Variants in DHX9 observed in about 807,000 individuals in gnomAD.
The protein encoded by DHX9 is ATP-dependent RNA helicase A.
DHX9 carries 27 observed loss-of-function variants against 148.7 expected under a neutral mutation model. That is an observed-to-expected ratio of 0.18 (90% confidence interval 0.13 to 0.25). The LOEUF is 0.25. Ranked by LOEUF, DHX9 falls within the 10% of genes least tolerant of loss-of-function variation. The pLI, the probability that DHX9 is intolerant of heterozygous loss-of-function variation, is 1.00. For missense variants in DHX9, 796 were observed against 1,559.6 expected, an observed-to-expected ratio of 0.51 and a Z score of 8.25; for synonymous variants, 529 against 516.6, an observed-to-expected ratio of 1.02 and a Z score of -0.33.
intron 12 of DHX9, among the ~76,000 whole-genome samples, chr1:182,864,691 C>A (rs1005237567): frequency 6.6e-6 from 1 of 152,170 alleles, no homozygotes; most frequent in Non-Finnish European, 1.5e-5. Context: ...TCATTTATTT[C>A]TTTGCTGTTG....
chr1:182,844,652 G>A (rs1036370290), intron 3 of DHX9, among the ~76,000 whole-genome samples: 1 of 152,174 alleles, frequency 6.6e-6, no homozygotes, highest in African/African-American at 2.4e-5. Flanking sequence ...TCCTGCCTCA[G>A]TCTCCTAAGT....
intron 21 of DHX9, among the ~76,000 whole-genome samples, chr1:182,879,887 G>A (rs758725720): frequency 6.6e-6 from 1 of 151,878 alleles, no homozygotes; most frequent in African/African-American, 2.4e-5. Flanking sequence ...CACCACACCC[G>A]GCTAATTTTT....
intron 27 of DHX9, among the ~76,000 whole-genome samples, chr1:182,885,228 A>G (rs1029626945): frequency 6.6e-6 from 1 of 152,238 alleles, no homozygotes; most frequent in Admixed American, 6.5e-5. Flanking sequence ...TTAAACAACT[A>G]GAGCATGGAT....
chr1:182,871,303 A>G (rs1160111970), intron 14 of DHX9, among the ~76,000 whole-genome samples: 1 of 152,222 alleles, frequency 6.6e-6, no homozygotes, highest in Non-Finnish European at 1.5e-5. Flanking sequence ...TGGGACTAAT[A>G]GGAAAGTATA....
At chr1:182,874,042 C>G (rs961281386) in intron 15 of DHX9, among the ~76,000 whole-genome samples, 1 of 152,194 alleles carries the variant, frequency 6.6e-6, no homozygotes, top group Non-Finnish European at 1.5e-5. Context: ...TGTGTCTATA[C>G]TGATATGTAA....
At chr1:182,878,779 T>G (rs1648942811) in intron 20 of DHX9, among the ~76,000 whole-genome samples, 1 of 152,230 alleles carries the variant, frequency 6.6e-6, no homozygotes. Context: ...CCTTTAAGTG[T>G]CATGTCAGAA....
At chr1:182,863,606 A>G (rs753123817) in intron 12 of DHX9, among the ~76,000 whole-genome samples, 2 of 152,204 alleles carry the variant, frequency 1.3e-5, no homozygotes, top group Non-Finnish European at 2.9e-5. Context: ...ATTGAAGCAC[A>G]GAAGATCAAG....
rs1043786350 is a variant in DHX9 at position 182,839,405 on chromosome 1, A to C, written c.-74A>C. On this transcript the variant is annotated 5_prime_UTR_variant, in exon 1 of 28. Transcript: ENST00000367549. Reference sequence around the variant, plus strand: ...TGCGTTTCTCTGTTGTCTCGGTAGAAGGCCAGAGTCACACACGGTCCTAAG... The same window carrying C: ...TGCGTTTCTCTGTTGTCTCGGTAGACGGCCAGAGTCACACACGGTCCTAAG... 1 of 152,348 alleles carries C rather than the reference A, an allele frequency of 6.6e-6. No individual in the cohort carries two copies. Among genetic ancestry groups the C allele is most frequent in the Non-Finnish European group, 1.5e-5 (1 of 68,088 alleles). The allele number at this position is 152,348 out of a possible 1,614,324, so 9.4% of individuals were successfully genotyped here. A position where few individuals can be genotyped will look rare whatever the true frequency, so the allele number is the denominator to read the frequency against.
intron 3 of DHX9, among the ~76,000 whole-genome samples, chr1:182,848,934 A>C (rs1668079630): frequency 6.6e-6 from 1 of 152,220 alleles, no homozygotes; most frequent in Non-Finnish European, 1.5e-5. Context: ...TGTTGCTAGG[A>C]TAGCAGTACC....
At chr1:182,855,562 C>T (rs1369600400) in intron 6 of DHX9, 6 of 985,414 alleles carry the variant, frequency 6.1e-6, no homozygotes, top group Non-Finnish European at 7.2e-6. Flanking sequence ...TTTCTGGTGT[C>T]GCTGTTCCCC....
intron 7 of DHX9, 72 bp downstream of exon 7, chr1:182,856,650 G>A: frequency 7.5e-7 from 1 of 1,336,408 alleles, no homozygotes; most frequent in Non-Finnish European, 1.1e-6. Flanking sequence ...TAAGTCTTGA[G>A]TCACGTATAC....
intron 11 of DHX9, among the ~76,000 whole-genome samples, 174 bp from the exon 12 acceptor site, chr1:182,859,819 G>A (rs967265188): frequency 3.3e-5 from 5 of 152,256 alleles, no homozygotes; most frequent in Admixed American, 2.0e-4. Context: ...CACCATGTTG[G>A]CTAGGCTGGT....
At chr1:182,855,330 T>G (rs1409708051) in intron 6 of DHX9, among the ~76,000 whole-genome samples, 1 of 152,214 alleles carries the variant, frequency 6.6e-6, no homozygotes, top group African/African-American at 2.4e-5. Flanking sequence ...TTTTTTGTTA[T>G]CAGTATCTTA....
At chr1:182,881,472 T>G in intron 23 of DHX9, 47 bp downstream of exon 23, 1 of 1,609,354 alleles carries the variant, frequency 6.2e-7, no homozygotes, top group Non-Finnish European at 8.5e-7. Context: ...TCATTTGTAT[T>G]TAGTTCTCTG....
chr1:182,860,501 T>A (rs935536138), intron 12 of DHX9, among the ~76,000 whole-genome samples: 4 of 152,204 alleles, frequency 2.6e-5, no homozygotes, highest in Non-Finnish European at 5.9e-5. Context: ...CTAACCACCT[T>A]GATATTGAGT....
At chr1:182,852,749 TA>T (rs1668177021) in intron 4 of DHX9, among the ~76,000 whole-genome samples, 1 of 151,896 alleles carries the variant, frequency 6.6e-6, no homozygotes, top group Admixed American at 6.6e-5. Flanking sequence ...CCTTCAATGT[TA>T]TTATCTTACA....
intron 13 of DHX9, 58 bp downstream of exon 13, chr1:182,866,643 T>A: frequency 6.5e-7 from 1 of 1,541,606 alleles, no homozygotes; most frequent in East Asian, 2.3e-5. Flanking sequence ...TGAAGAAAAC[T>A]TGATAGCAGA....
At chr1:182,880,699 CA>C (rs146667415) in intron 22 of DHX9, 91 bp downstream of exon 22, 52,448 of 655,086 alleles carry the variant, frequency 0.08, 2,038 homozygotes, top group East Asian at 0.19. Context: ...CTCAGATAGA[CA>C]AAAAAAAAAT....
intron 12 of DHX9, among the ~76,000 whole-genome samples, chr1:182,861,495 AGCTCTGCTCT>A (rs1172831780): frequency 1.3e-5 from 2 of 152,214 alleles, no homozygotes; most frequent in South Asian, 4.1e-4. Context: ...CCTTGAGCTC[AGCTCTGCTCT>A]GCTCTTCTCT....
Sources: gnomAD v4.1 joint callset for allele counts (sites outside exome capture counted in the v4.1 genomes callset) on GRCh38, gnomAD v4.1.1 for gene constraint, MANE v1.5 for transcripts, NCBI Gene and HGNC (gene_info 2026-07-23, HGNC 2026-07-21) for gene names.